MTCL2: variants seen among roughly 807,000 people sequenced by gnomAD.
MTCL2 encodes microtubule crosslinking factor 2, also known as microtubule cross-linking factor 2.
At chr20:36,817,285 GAAAAGAAA>G in the MTCL2 span, 1 of 612,014 alleles carries the variant, frequency 1.6e-6, no homozygotes, top group South Asian at 2.7e-5. Flanking sequence ...AAAAAAAAAA[GAAAAGAAA>G]AAAAGGAAAA....
At chr20:36,830,771 G>A in the MTCL2 span, among the ~76,000 whole-genome samples, 1 of 152,166 alleles carries the variant, frequency 6.6e-6, no homozygotes, top group Non-Finnish European at 1.5e-5. Flanking sequence ...AACCTTACAG[G>A]CCCGACAGGA....
chr20:36,810,717 C>CTCT, the MTCL2 span, among the ~76,000 whole-genome samples: 123 of 94,268 alleles, frequency 1.3e-3, 1 homozygote, highest in African/African-American at 4.4e-3. Flanking sequence ...TCTCTCTCTC[C>CTCT]CTCTCTCTCT....
At chr20:36,828,819 G>A in the MTCL2 span, 2 of 484,432 alleles carry the variant, frequency 4.1e-6, no homozygotes, top group Admixed American at 3.9e-5. Flanking sequence ...AGCTCCCTGA[G>A]GACAGGAACT....
the MTCL2 span, chr20:36,804,612 C>G: frequency 7.5e-7 from 1 of 1,324,526 alleles, no homozygotes; most frequent in Non-Finnish European, 1.0e-6. Flanking sequence ...CTCTGGGCCA[C>G]AGGTGAAGCA....
chr20:36,795,796 AAAAAC>A, the MTCL2 span, among the ~76,000 whole-genome samples: 23 of 152,044 alleles, frequency 1.5e-4, no homozygotes, highest in Middle Eastern at 3.4e-3. Context: ...CAAAAACAAA[AAAAAC>A]AAAACACACG....
the MTCL2 span, among the ~76,000 whole-genome samples, chr20:36,844,421 T>TAAC: frequency 1.3e-5 from 2 of 149,820 alleles, no homozygotes; most frequent in South Asian, 2.1e-4. Context: ...ATAATAATAA[T>TAAC]AACAACAATA....
the MTCL2 span, chr20:36,816,364 C>T: frequency 7.0e-7 from 1 of 1,430,056 alleles, no homozygotes; most frequent in Admixed American, 2.2e-5. Context: ...GTCTCAGTAC[C>T]AGCCATGGCA....
At chr20:36,786,472 C>A in the MTCL2 span, 1 of 1,518,762 alleles carries the variant, frequency 6.6e-7, no homozygotes, top group Non-Finnish European at 8.8e-7. Flanking sequence ...AGGCGGGGAG[C>A]TTGGCTGCTC....
chr20:36,828,225 C>T, the MTCL2 span, among the ~76,000 whole-genome samples: 3 of 152,208 alleles, frequency 2.0e-5, no homozygotes, highest in African/African-American at 7.2e-5. Context: ...ACACAGAACC[C>T]TGGAATGGGG....
the MTCL2 span, among the ~76,000 whole-genome samples, chr20:36,838,650 A>T: frequency 6.6e-6 from 1 of 152,052 alleles, no homozygotes; most frequent in Non-Finnish European, 1.5e-5. Context: ...GGCTAGCACC[A>T]GGTGGTGGTT....
the MTCL2 span, among the ~76,000 whole-genome samples, chr20:36,811,128 C>G: frequency 6.6e-6 from 1 of 152,166 alleles, no homozygotes; most frequent in East Asian, 1.9e-4. Flanking sequence ...GTGGAAGGCA[C>G]AGTGACTTGA....
the MTCL2 span, among the ~76,000 whole-genome samples, chr20:36,790,533 C>T: frequency 6.7e-6 from 1 of 148,948 alleles, no homozygotes; most frequent in African/African-American, 2.5e-5. Flanking sequence ...CTCCCGGCTT[C>T]AAGCAATTCT....
chr20:36,777,987 A>T, the MTCL2 span: 1 of 515,092 alleles, frequency 1.9e-6, no homozygotes, highest in Non-Finnish European at 3.4e-6. Flanking sequence ...GCCTATGGTG[A>T]GGTTCCCAAG....
At chr20:36,809,986 A>G in the MTCL2 span, 2 of 1,601,126 alleles carry the variant, frequency 1.2e-6, no homozygotes, top group African/African-American at 1.3e-5. Context: ...ACGCACCTGG[A>G]CCATTTTCTG....
chr20:36,814,103 G>C, the MTCL2 span, among the ~76,000 whole-genome samples: 1 of 152,164 alleles, frequency 6.6e-6, no homozygotes, highest in African/African-American at 2.4e-5. Context: ...GCTTCCTTCA[G>C]ATTCCTCTCT....
the MTCL2 span, among the ~76,000 whole-genome samples, chr20:36,862,011 A>G: frequency 6.6e-6 from 1 of 152,200 alleles, no homozygotes; most frequent in Non-Finnish European, 1.5e-5. Flanking sequence ...GGGAGGGCAA[A>G]AGACACTGTC....
chr20:36,792,831 GATAT>G, the MTCL2 span, among the ~76,000 whole-genome samples: 157 of 146,996 alleles, frequency 1.1e-3, 1 homozygote, highest in South Asian at 5.3e-3. Context: ...TATATATATA[GATAT>G]ATAGATAGAT....
At chr20:36,815,720 C>A in the MTCL2 span, 3 of 1,598,526 alleles carry the variant, frequency 1.9e-6, no homozygotes, top group Non-Finnish European at 2.6e-6. The surrounding 1 kb of genome is among the most constrained non-coding windows in gnomAD (Gnocchi z 5.3). Context: ...GCTTGGCGGC[C>A]GCCAGCTCCT....
At chr20:36,803,727 C>T in the MTCL2 span, among the ~76,000 whole-genome samples, 20 of 151,742 alleles carry the variant, frequency 1.3e-4, no homozygotes, top group Admixed American at 3.9e-4. Context: ...AGGCTGAGGC[C>T]GGCAGATCAC....
Sources: gnomAD v4.1 joint callset for allele counts (sites outside exome capture counted in the v4.1 genomes callset) on GRCh38, gnomAD v4.1.1 for gene constraint, Gnocchi (gnomAD v3.1) non-coding constraint, MANE v1.5 for transcripts, NCBI Gene and HGNC (gene_info 2026-07-23, HGNC 2026-07-21) for gene names.